The following FUT8 variants were observed in gnomAD, a reference collection of about 807,000 sequenced individuals.
FUT8 encodes the protein alpha-(1,6)-fucosyltransferase.
Under a neutral mutation model 71.3 loss-of-function variants are expected in FUT8, and 29 were observed. The ratio of observed to expected loss-of-function variants is 0.41; its 90% confidence interval spans 0.30 to 0.55. The LOEUF (loss-of-function observed/expected upper bound fraction) is 0.55, where lower values mean the gene tolerates loss of function less well. Among genes scored for constraint, FUT8 ranks in the 20% least tolerant of loss-of-function variants. The pLI is 0.34. For missense variants in FUT8, 544 were observed against 702.1 expected, an observed-to-expected ratio of 0.77 and a Z score of 2.55; for synonymous variants, 254 against 239.3, an observed-to-expected ratio of 1.06 and a Z score of -0.57.
intron 7 of FUT8, among the ~76,000 whole-genome samples, chr14:65,693,626 A>G (rs1292198024): frequency 1.3e-5 from 2 of 152,256 alleles, no homozygotes; most frequent in East Asian, 1.9e-4. Flanking sequence ...TTGCATCTAC[A>G]TTAATGAGAG....
chr14:65,447,411 A>G (rs187965959), intron 1 of FUT8, among the ~76,000 whole-genome samples: 13 of 152,168 alleles, frequency 8.5e-5, no homozygotes, highest in Admixed American at 3.3e-4. Context: ...ATCATTGTAC[A>G]TTTTATGTTG....
At chr14:65,361,246 C>T in the FUT8 span, among the ~76,000 whole-genome samples, 1 of 148,562 alleles carries the variant, frequency 6.7e-6, no homozygotes, top group Non-Finnish European at 1.5e-5. Context: ...ATCCCAGCTA[C>T]TTGGGAGTCT....
At chr14:65,727,184 T>A (rs2139369359) in intron 9 of FUT8, among the ~76,000 whole-genome samples, 1 of 152,280 alleles carries the variant, frequency 6.6e-6, no homozygotes, top group Admixed American at 6.5e-5. Flanking sequence ...TGTACCATTC[T>A]GGAGTCTGGA....
intron 1 of FUT8, among the ~76,000 whole-genome samples, chr14:65,443,052 A>G (rs1198674383): frequency 2.0e-5 from 3 of 152,176 alleles, no homozygotes. Flanking sequence ...ATAGAGGAGT[A>G]GTATATGGAA....
chr14:65,451,835 G>A (rs908368542), intron 1 of FUT8, among the ~76,000 whole-genome samples: 3 of 152,160 alleles, frequency 2.0e-5, no homozygotes, highest in African/African-American at 7.2e-5. Flanking sequence ...TCTAGCCATC[G>A]TCTTGTCTAC....
chr14:65,406,355 A>G (rs1299977753), upstream of FUT8, among the ~76,000 whole-genome samples: 3 of 152,228 alleles, frequency 2.0e-5, no homozygotes, highest in Non-Finnish European at 4.4e-5. Context: ...TCAGATTGTA[A>G]CTGAGCACTG....
In FUT8 at chr14:65,703,200, A is replaced by C. The variant is rs189111414; in HGVS notation, c.836-18575A>C. On this transcript the variant is annotated intron_variant, in intron 7 of 10. Transcript: ENST00000673929. ...ATGAGAAACATAATGTCAAGTATCA[A>C]ATCTGTACAAAGCATTGTCTTTTAA... 6.2e-4 allele frequency among the ~76,000 whole-genome samples: 94 copies of C among 152,344 alleles called. 1 individual carries two copies. The highest frequency in any genetic ancestry group is 1.1e-3 in the Non-Finnish European group (78 of 68,026).
chr14:65,438,517 G>A (rs979933806), intron 1 of FUT8, among the ~76,000 whole-genome samples: 7 of 152,116 alleles, frequency 4.6e-5, no homozygotes, highest in African/African-American at 1.4e-4. Context: ...AGATCATGAG[G>A]ATAGGGGCTA....
At chr14:65,673,104 AT>A (rs1892549756) in intron 7 of FUT8, among the ~76,000 whole-genome samples, 1 of 152,256 alleles carries the variant, frequency 6.6e-6, no homozygotes, top group African/African-American at 2.4e-5. Context: ...TAAAAAAATA[AT>A]TTATAAATAC....
chr14:65,520,689 GA>G (rs1455145794), intron 2 of FUT8, among the ~76,000 whole-genome samples: 57 of 151,908 alleles, frequency 3.8e-4, no homozygotes, highest in African/African-American at 1.3e-3. Context: ...AATTCAGTTT[GA>G]AAACTATGTC....
intron 7 of FUT8, among the ~76,000 whole-genome samples, chr14:65,720,144 A>G (rs991481345): frequency 4.7e-5 from 7 of 149,910 alleles, no homozygotes; most frequent in Non-Finnish European, 7.4e-5. Context: ...CTGGTCCTCT[A>G]TTCTCCTGCA....
At position 65,742,484 on chromosome 14, in the gene FUT8, A is replaced by T. The variant is rs1896554713; in HGVS notation, c.*74A>T. 1 of 1,257,642 alleles carries T rather than the reference A, an allele frequency of 8.0e-7. No individual in the cohort carries two copies. The highest frequency in any genetic ancestry group is 1.5e-5 in the African/African-American group (1 of 66,912). The allele number at this position is 1,257,642 out of a possible 1,614,324, so 77.9% of individuals were successfully genotyped here. ...GTTCAAACCATTTCAGCCAAACTGT[A>T]GATGAAGAGGGCTCTGATCTAACAA... On this transcript the variant is annotated 3_prime_UTR_variant, in exon 11 of 11. Transcript: ENST00000673929.
At chr14:65,484,259 T>G (rs2066375631) in intron 2 of FUT8, among the ~76,000 whole-genome samples, 2 of 152,194 alleles carry the variant, frequency 1.3e-5, no homozygotes, top group African/African-American at 4.8e-5. Flanking sequence ...CTGATTTCAC[T>G]GGCTAAAACC....
In FUT8 at chr14:65,742,641, C is replaced by G. The variant is rs1275781392; in HGVS notation, c.*231C>G. 6.8e-5 allele frequency: 31 copies of G among 455,520 alleles called. No individual in the cohort carries two copies. In the Admixed American group the frequency reaches 1.1e-3, roughly 16 times the overall value. 28.2% of individuals were successfully genotyped at this position (455,520 alleles called of 1,614,324 possible). A position where few individuals can be genotyped will look rare whatever the true frequency, so the allele number is the denominator to read the frequency against. On this transcript the variant is annotated 3_prime_UTR_variant, in exon 11 of 11. Transcript: ENST00000673929. Reference sequence around the variant, plus strand: ...CCCATGCACAGTACAATAATGTACTCACATATAACATGCAAACAGGTTGTT... The same window carrying G: ...CCCATGCACAGTACAATAATGTACTGACATATAACATGCAAACAGGTTGTT...
chr14:65,581,298 A>C (rs994153416), intron 3 of FUT8, among the ~76,000 whole-genome samples: 7 of 152,100 alleles, frequency 4.6e-5, no homozygotes, highest in Non-Finnish European at 8.8e-5. Context: ...TATTTAAATT[A>C]CCGACAGAGA....
At chr14:65,552,981 G>A (rs1344394770) in intron 2 of FUT8, among the ~76,000 whole-genome samples, 1 of 151,940 alleles carries the variant, frequency 6.6e-6, no homozygotes, top group Non-Finnish European at 1.5e-5. Context: ...CCCCAGACAG[G>A]GTCTTGCTCT....
intron 7 of FUT8, among the ~76,000 whole-genome samples, chr14:65,682,544 G>T (rs1398605723): frequency 2.0e-5 from 3 of 151,980 alleles, no homozygotes; most frequent in Admixed American, 2.0e-4. Context: ...GGAGGTTGTA[G>T]TCATTCCAGC....
chr14:65,525,147 C>T (rs984808546), intron 2 of FUT8, among the ~76,000 whole-genome samples: 1 of 152,138 alleles, frequency 6.6e-6, no homozygotes, highest in Non-Finnish European at 1.5e-5. Flanking sequence ...GGTACTAGCT[C>T]CTCCTTGTAC....
At chr14:65,650,222 C>G (rs1891306881) in intron 6 of FUT8, among the ~76,000 whole-genome samples, 1 of 133,472 alleles carries the variant, frequency 7.5e-6, no homozygotes, top group Non-Finnish European at 1.5e-5. Flanking sequence ...TGGCGTGAAC[C>G]TGGGAGGCGG....
Sources: allele counts gnomAD v4.1 joint callset (sites outside exome capture counted in the v4.1 genomes callset), GRCh38; gene constraint gnomAD v4.1.1; transcripts MANE v1.5; gene names NCBI Gene and HGNC (gene_info 2026-07-23, HGNC 2026-07-21).